Variants in SFMBT2 observed in about 807,000 individuals in gnomAD.
SFMBT2 encodes the protein Scm like with four mbt domains 2.
In SFMBT2, 38 loss-of-function variants were observed where a neutral mutation model predicts 110.1. The observed-to-expected ratio is 0.35, with a 90% confidence interval of 0.27 to 0.45. The LOEUF (loss-of-function observed/expected upper bound fraction) is 0.45. Among genes scored for constraint, SFMBT2 ranks in the 20% least tolerant of loss-of-function variants. SFMBT2 has a pLI of 1.00. For synonymous variants in SFMBT2, 425 were observed against 425.4 expected, an observed-to-expected ratio of 1.00 and a Z score of 0.01; for missense variants, 1,011 against 1,094.9, an observed-to-expected ratio of 0.92 and a Z score of 1.08.
In SFMBT2 at chr10:7,243,669, C is replaced by T. The variant is rs748858766; in HGVS notation, c.1009G>A (p.Asp337Asn). ...NNHFFQVTID[D>N]LRPEPSKLSM... ...AGTTTACTTGGTTCAGGTCTTAGGT[C>T]ATCAATAGTCACTTGAAAAAAGTGA... Residue 337 changes from aspartate (D) to asparagine (N), a missense_variant, in exon 9 of 21, where the codon GAC (aspartate) becomes AAC (asparagine). By Grantham distance (23) the Asp-to-Asn change is conservative (BLOSUM62 1). Coordinates refer to ENST00000397167, the MANE Select transcript of SFMBT2 (RefSeq NM_001387889.1). 8.0e-6 allele frequency: 7 copies of T among 872,202 alleles called. No individual in the cohort carries two copies. Among genetic ancestry groups the T allele is most frequent in the South Asian group, 5.2e-5 (4 of 76,486 alleles). The allele number at this position is 872,202 out of a possible 1,614,324, so 54.0% of individuals were successfully genotyped here. A position where few individuals can be genotyped will look rare whatever the true frequency, so the allele number is the denominator to read the frequency against.
rs1048613283 is a variant in SFMBT2, at chr10:7,335,626, T to C, written c.436+32023A>G. 3.0e-4 allele frequency among the ~76,000 whole-genome samples: 33 copies of C among 109,228 alleles called. 1 individual carries two copies. Among genetic ancestry groups the C allele is most frequent in the African/African-American group, 1.2e-3 (33 of 27,836 alleles). The allele number at this position is 109,228 out of a possible 152,430, so 71.7% of individuals were successfully genotyped here. On this transcript the variant is annotated intron_variant, in intron 4 of 20. Coordinates refer to ENST00000397167, the MANE Select transcript of SFMBT2 (RefSeq NM_001387889.1). Reference sequence around the variant, plus strand: ...ACACACACACACACACACACAACCATATACATAAATTGCACAGAACACTTC... The same window carrying C: ...ACACACACACACACACACACAACCACATACATAAATTGCACAGAACACTTC...
At position 7,197,644 on chromosome 10, in the gene SFMBT2, G is replaced by A. The variant is rs1838820450; in HGVS notation, c.1602C>T (p.Asn534=). The A allele has an allele frequency of 6.2e-7, 1 of 1,614,212 alleles. No homozygotes were observed. Among genetic ancestry groups the A allele is most frequent in the African/African-American group, 1.3e-5 (1 of 75,056 alleles). ...GKYCCPQLFI[N]HRCFSGPYLN... ...GGTAAGGGCCTGAGAAACACCTGTG[G>A]TTGATGAAGAGCTGAGGACAGCAGT... Residue 534 remains asparagine (N), a synonymous_variant, in exon 15 of 21, where the codon AAC becomes AAT. Transcript: ENST00000397167.
chr10:7,241,379 CA>C (rs967717963), intron 9 of SFMBT2: 1 of 957,800 alleles, frequency 1.0e-6, no homozygotes, highest in African/African-American at 1.8e-5. Flanking sequence ...AGGTACTAGC[CA>C]CCATTACTCA....
intron 9 of SFMBT2, chr10:7,241,347 A>G (rs969165393): frequency 3.4e-5 from 33 of 982,026 alleles, no homozygotes; most frequent in Non-Finnish European, 3.4e-5. Context: ...TGGTTTAAAA[A>G]GAGTTATAGT....
At chr10:7,340,433 T>C (rs61837681) in intron 4 of SFMBT2, among the ~76,000 whole-genome samples, 10,999 of 152,110 alleles carry the variant, frequency 0.072, 525 homozygotes, top group Non-Finnish European at 0.11. Flanking sequence ...TCACATCTGC[T>C]TCTAAGTCTG....
intron 2 of SFMBT2, among the ~76,000 whole-genome samples, chr10:7,373,353 A>T (rs1331697940): frequency 6.6e-6 from 1 of 152,238 alleles, no homozygotes; most frequent in African/African-American, 2.4e-5. Context: ...CACCAGAATC[A>T]GGAGTTGAAT....
intron 20 of SFMBT2, among the ~76,000 whole-genome samples, chr10:7,168,000 G>A (rs1019461398): frequency 2.0e-5 from 3 of 152,046 alleles, no homozygotes; most frequent in Non-Finnish European, 4.4e-5. Flanking sequence ...CCCGGGAGGC[G>A]GAGGTTGCAG....
rs1285132906 is a variant in SFMBT2 at position 7,392,148 on chromosome 10, C to A, written c.-51-10199G>T. On this transcript the variant is annotated intron_variant, in intron 1 of 20. Transcript: ENST00000397167. ...CCCTGAAAACATGCTCTCAAGTCCG[C>A]TAAGCTGGTTTACTAGCAGGGCAGG... Among the ~76,000 whole-genome samples the A allele has an allele frequency of 9.2e-5, 14 of 152,296 alleles. No homozygotes were observed. In the East Asian group the frequency reaches 2.7e-3, roughly 29 times the overall value.
chr10:7,383,781 G>A (rs549401365), intron 1 of SFMBT2, among the ~76,000 whole-genome samples: 6 of 152,224 alleles, frequency 3.9e-5, no homozygotes, highest in African/African-American at 1.4e-4. Context: ...CAAAAATGAG[G>A]GCACAAGGTT....
intron 7 of SFMBT2, among the ~76,000 whole-genome samples, chr10:7,270,358 T>A (rs1372969948): frequency 1.3e-5 from 2 of 152,166 alleles, no homozygotes; most frequent in African/African-American, 2.4e-5. Flanking sequence ...AGAGAACAAA[T>A]TTCTGTCATT....
intron 4 of SFMBT2, among the ~76,000 whole-genome samples, chr10:7,315,088 G>GAAAGAA (rs1467667000): frequency 2.1e-5 from 3 of 145,638 alleles, no homozygotes; most frequent in Admixed American, 6.8e-5. Flanking sequence ...AAGAAAGAAA[G>GAAAGAA]AAAGAAAGAA....
chr10:7,270,452 G>A (rs577779545), intron 7 of SFMBT2, among the ~76,000 whole-genome samples: 7 of 152,340 alleles, frequency 4.6e-5, no homozygotes, highest in Non-Finnish European at 7.3e-5. Flanking sequence ...CAAATTAAAC[G>A]TGTAGATTCT....
At chr10:7,365,519 G>A (rs1176751119) in intron 4 of SFMBT2, among the ~76,000 whole-genome samples, 2 of 152,178 alleles carry the variant, frequency 1.3e-5, no homozygotes, top group African/African-American at 4.8e-5. Context: ...TTACTGTCTG[G>A]GGGGATAAAG....
At chr10:7,270,799 A>G (rs1160538935) in intron 7 of SFMBT2, among the ~76,000 whole-genome samples, 1 of 152,242 alleles carries the variant, frequency 6.6e-6, no homozygotes, top group Non-Finnish European at 1.5e-5. Flanking sequence ...GAAAATATGA[A>G]CAAACTATTA....
intron 12 of SFMBT2, chr10:7,203,235 TA>T (rs1490412039): frequency 2.5e-6 from 1 of 397,922 alleles, no homozygotes; most frequent in Non-Finnish European, 3.4e-6. Flanking sequence ...TTTGCCTCTT[TA>T]AAGCAAAATG....
At chr10:7,405,631 G>C (rs1302849574) in intron 1 of SFMBT2, among the ~76,000 whole-genome samples, 3 of 152,106 alleles carry the variant, frequency 2.0e-5, no homozygotes, top group Admixed American at 6.5e-5. Context: ...TGAATCTCTT[G>C]GGCCTATCTG....
intron 1 of SFMBT2, among the ~76,000 whole-genome samples, chr10:7,384,778 G>T (rs1031635377): frequency 6.6e-6 from 1 of 152,210 alleles, no homozygotes; most frequent in African/African-American, 2.4e-5. Context: ...GGACAGAGCT[G>T]CATTCTTCTA....
chr10:7,231,131 G>A (rs999916588), intron 9 of SFMBT2, among the ~76,000 whole-genome samples: 8 of 152,144 alleles, frequency 5.3e-5, no homozygotes, highest in African/African-American at 1.9e-4. Flanking sequence ...GCTGGATGAC[G>A]AGCAGTTACC....
chr10:7,279,347 C>A (rs1841877730), intron 6 of SFMBT2, among the ~76,000 whole-genome samples: 1 of 152,196 alleles, frequency 6.6e-6, no homozygotes, highest in Non-Finnish European at 1.5e-5. Flanking sequence ...TGGGTCCTGC[C>A]TCTGTCCTAC....
Sources: allele counts gnomAD v4.1 joint callset (sites outside exome capture counted in the v4.1 genomes callset), GRCh38; gene constraint gnomAD v4.1.1; transcripts MANE v1.5; gene names NCBI Gene and HGNC (gene_info 2026-07-23, HGNC 2026-07-21).